Variants in GABRB2 observed in about 807,000 individuals in gnomAD.
The protein encoded by GABRB2 is gamma-aminobutyric acid type A receptor subunit beta2, also known as gamma-aminobutyric acid receptor subunit beta-2.
In GABRB2, 16 loss-of-function variants were observed where a neutral mutation model predicts 54.7. The ratio of observed to expected loss-of-function variants is 0.29; its 90% CI spans 0.20 to 0.44. The LOEUF is 0.44. GABRB2 is among the 20% of genes least tolerant of loss of function. The pLI is 1.00. For missense variants in GABRB2, 355 were observed against 644.0 expected, an observed-to-expected ratio of 0.55 and a Z score of 4.86; for synonymous variants, 244 against 233.8, an observed-to-expected ratio of 1.04 and a Z score of -0.40.
intron 9 of GABRB2, among the ~76,000 whole-genome samples, chr5:161,313,360 C>T (rs372595095): frequency 6.6e-6 from 1 of 151,908 alleles, no homozygotes; most frequent in Non-Finnish European, 1.5e-5. Context: ...CAGCTCTTTG[C>T]GCCCCTCCCC....
At chr5:161,486,696 AG>A (rs1758935140) in intron 3 of GABRB2, among the ~76,000 whole-genome samples, 1 of 151,858 alleles carries the variant, frequency 6.6e-6, no homozygotes, top group Non-Finnish European at 1.5e-5. Context: ...TGAAAAAGAC[AG>A]ATATGCTTTT....
At chr5:161,537,035 A>G (rs915180192) in intron 3 of GABRB2, among the ~76,000 whole-genome samples, 1 of 151,816 alleles carries the variant, frequency 6.6e-6, no homozygotes, top group Non-Finnish European at 1.5e-5. Flanking sequence ...TCTGGGAGAA[A>G]ATTTTCATGA....
chr5:161,548,337 A>C (rs1312528055), upstream of GABRB2: 1 of 152,274 alleles, frequency 6.6e-6, no homozygotes. Flanking sequence ...TGGGGACACA[A>C]GGCCGTCCGA....
At chr5:161,458,108 T>C (rs1758015379) in intron 4 of GABRB2, among the ~76,000 whole-genome samples, 4 of 152,182 alleles carry the variant, frequency 2.6e-5, no homozygotes, top group Admixed American at 2.6e-4. Flanking sequence ...TAAACTACAG[T>C]CTTTTTTCAT....
chr5:161,535,950 TC>T (rs2113465207), intron 3 of GABRB2, among the ~76,000 whole-genome samples: 1 of 152,044 alleles, frequency 6.6e-6, no homozygotes, highest in Admixed American at 6.5e-5. Context: ...GCCTGGTACC[TC>T]CCCCTACTGG....
intron 5 of GABRB2, among the ~76,000 whole-genome samples, chr5:161,384,820 C>T (rs1234025871): frequency 6.6e-6 from 1 of 152,098 alleles, no homozygotes; most frequent in Non-Finnish European, 1.5e-5. Context: ...TAGGTATATG[C>T]TCCCTTTCTA....
chr5:161,339,823 C>T (rs1004194213), intron 5 of GABRB2, among the ~76,000 whole-genome samples: 4 of 151,976 alleles, frequency 2.6e-5, no homozygotes, highest in Admixed American at 6.6e-5. Context: ...AAAAATCACA[C>T]GTCTGGCAAA....
intron 5 of GABRB2, among the ~76,000 whole-genome samples, chr5:161,386,892 C>T (rs1381036247): frequency 6.6e-6 from 1 of 151,180 alleles, no homozygotes; most frequent in Non-Finnish European, 1.5e-5. Flanking sequence ...ACCTAGAAGT[C>T]AGAAGGCAAG....
intron 4 of GABRB2, among the ~76,000 whole-genome samples, chr5:161,422,337 T>C (rs1250150518): frequency 2.0e-5 from 3 of 152,042 alleles, no homozygotes; most frequent in Admixed American, 1.3e-4. Flanking sequence ...TCATTCCATA[T>C]ACATACTATA....
intron 4 of GABRB2, among the ~76,000 whole-genome samples, chr5:161,438,583 G>C (rs1012570204): frequency 2.0e-5 from 3 of 152,170 alleles, no homozygotes; most frequent in African/African-American, 7.2e-5. Flanking sequence ...TGGAGAAAGA[G>C]AGATGTGTGA....
chr5:161,358,952 G>A (rs1250420644), intron 5 of GABRB2, among the ~76,000 whole-genome samples: 1 of 152,140 alleles, frequency 6.6e-6, no homozygotes, highest in Admixed American at 6.5e-5. Flanking sequence ...ACTTTAGTGA[G>A]CTTAAGTGGG....
At chr5:161,366,531 G>A (rs564967153) in intron 5 of GABRB2, among the ~76,000 whole-genome samples, 1 of 152,156 alleles carries the variant, frequency 6.6e-6, no homozygotes, top group African/African-American at 2.4e-5. Context: ...GTCAATCTGG[G>A]TACCTGAGAG....
chr5:161,519,422 T>C (rs976483551), intron 3 of GABRB2, among the ~76,000 whole-genome samples: 3 of 152,234 alleles, frequency 2.0e-5, no homozygotes, highest in African/African-American at 7.2e-5. Context: ...GAAGGCTTTA[T>C]GAAGCTCTCC....
chr5:161,513,131 GAATGTA>G (rs1256953450), intron 3 of GABRB2, among the ~76,000 whole-genome samples: 3 of 151,964 alleles, frequency 2.0e-5, no homozygotes, highest in African/African-American at 7.2e-5. Context: ...CTGTTGGTGG[GAATGTA>G]AATTAGAACA....
rs772398405 is a variant in GABRB2 at position 161,294,310 on chromosome 5, G to A, written c.1310C>T (p.Ser437Phe). 10 of 1,614,086 alleles carry A rather than the reference G, an allele frequency of 6.2e-6. No homozygotes were observed. Among genetic ancestry groups the A allele is most frequent in the African/African-American group, 1.3e-5 (1 of 75,026 alleles). The change falls in exon 10 of 10, where the codon TCC becomes TTC. Residue 437 changes from serine (S) to phenylalanine (F), a missense_variant. This residue lies in a region of GABRB2 where 201 missense variants were observed against 228.1 expected (regional missense o/e 0.88). Coordinates refer to ENST00000393959, the MANE Select transcript of GABRB2 (RefSeq NM_001371727.1). Reference protein sequence around the residue: ...PRSTMLAYDASSIQYRKAGLP... With the variant: ...PRSTMLAYDAFSIQYRKAGLP... ...CCCAGCTTTCCGATACTGGATGCTG[G>A]AGGCATCATAGGCTAGCATTGTGCT...
intron 3 of GABRB2, among the ~76,000 whole-genome samples, chr5:161,503,639 G>A (rs939102224): frequency 5.3e-5 from 8 of 149,798 alleles, no homozygotes; most frequent in African/African-American, 2.0e-4. Flanking sequence ...AACCTGGGAG[G>A]CAGAGGTTGC....
chr5:161,466,749 A>C (rs1758290253), intron 3 of GABRB2, among the ~76,000 whole-genome samples: 1 of 152,010 alleles, frequency 6.6e-6, no homozygotes, highest in Non-Finnish European at 1.5e-5. Flanking sequence ...GACCTTAATG[A>C]CTATTCAACC....
chr5:161,438,962 G>C (rs940008554), intron 4 of GABRB2, among the ~76,000 whole-genome samples: 33 of 152,296 alleles, frequency 2.2e-4, no homozygotes, highest in African/African-American at 7.2e-4. Context: ...AGAGGAGGTA[G>C]AGAGATAGGA....
At chr5:161,502,312 A>G (rs1245767160) in intron 3 of GABRB2, among the ~76,000 whole-genome samples, 1 of 152,122 alleles carries the variant, frequency 6.6e-6, no homozygotes, top group Non-Finnish European at 1.5e-5. Context: ...AAATATCAGT[A>G]CTTTCATTAT....
Sources: gnomAD v4.1 joint callset for allele counts (sites outside exome capture counted in the v4.1 genomes callset) on GRCh38, gnomAD v4.1.1 for gene constraint, gnomAD v4.1.1 regional missense constraint, MANE v1.5 for transcripts, NCBI Gene and HGNC (gene_info 2026-07-23, HGNC 2026-07-21) for gene names.